NDST3: variants seen among roughly 807,000 people sequenced by gnomAD.
The protein encoded by NDST3 is bifunctional heparan sulfate N-deacetylase/N-sulfotransferase 3.
Under a neutral mutation model 96.1 loss-of-function variants are expected in NDST3, and 58 were observed. That is an observed-to-expected ratio of 0.60 (90% CI 0.49 to 0.75). NDST3 has a LOEUF of 0.75. Among genes scored for constraint, NDST3 ranks in the 30% least tolerant of loss-of-function variants. The pLI is 0.00. For synonymous variants in NDST3, 333 were observed against 359.7 expected, an observed-to-expected ratio of 0.93 and a Z score of 0.84; for missense variants, 788 against 1,034.2, an observed-to-expected ratio of 0.76 and a Z score of 3.27.
chr4:118,225,386 T>G (rs1739808437), intron 7 of NDST3, among the ~76,000 whole-genome samples: 1 of 152,236 alleles, frequency 6.6e-6, no homozygotes, highest in Non-Finnish European at 1.5e-5. Flanking sequence ...TTGCTTATTA[T>G]ATGTCAGACG....
intron 2 of NDST3, among the ~76,000 whole-genome samples, chr4:118,062,391 T>C (rs1725967387): frequency 2.0e-5 from 3 of 152,294 alleles, no homozygotes; most frequent in South Asian, 4.1e-4. Flanking sequence ...CCAGTTCCAC[T>C]GGTCCCTAAT....
At chr4:118,118,474 A>G (rs1008128558) in intron 4 of NDST3, among the ~76,000 whole-genome samples, 2 of 152,188 alleles carry the variant, frequency 1.3e-5, no homozygotes, top group African/African-American at 4.8e-5. Context: ...CATACCTGCT[A>G]TTTTCATTGA....
chr4:118,053,971 T>G lies in NDST3; in HGVS notation c.61T>G (p.Phe21Val). 6.2e-7 allele frequency: 1 copy of G among 1,611,902 alleles called. No individual in the cohort carries two copies. Among genetic ancestry groups the G allele is most frequent in the Admixed American group, 1.7e-5 (1 of 59,762 alleles). ...FQRTVILLATFCMVSIIISAY... is the reference protein window; with the variant it reads ...FQRTVILLATVCMVSIIISAY... Reference sequence around the variant, plus strand: ...AAGAACAGTCATTCTGCTTGCCACTTTTTGTATGGTGAGCATTATCATTTC... The same window carrying G: ...AAGAACAGTCATTCTGCTTGCCACTGTTTGTATGGTGAGCATTATCATTTC... Residue 21 changes from phenylalanine (F) to valine (V), a missense_variant, in exon 2 of 14, where the codon TTT (phenylalanine) becomes GTT (valine). This residue lies in a region of NDST3 where 234 missense variants were observed against 256.9 expected (regional missense o/e 0.91). Transcript: ENST00000296499.
At chr4:118,055,224 A>G in intron 2 of NDST3, 1 of 282,812 alleles carries the variant, frequency 3.5e-6, no homozygotes, top group Non-Finnish European at 6.8e-6. Context: ...TCTCAGACTT[A>G]GCTCATTTAA....
chr4:118,176,459 T>C (rs985037115), intron 6 of NDST3, among the ~76,000 whole-genome samples: 2 of 152,132 alleles, frequency 1.3e-5, no homozygotes, highest in African/African-American at 2.4e-5. Context: ...GTGTTGATGA[T>C]GGTCAGCTCA....
chr4:118,058,640 C>T (rs201050976), intron 2 of NDST3, among the ~76,000 whole-genome samples: 299 of 12,334 alleles, frequency 0.024, 2 homozygotes, highest in African/African-American at 0.031. Flanking sequence ...TGTGTGCGCG[C>T]GCGCGCACGC....
At chr4:118,213,675 C>T (rs1384527184) in intron 6 of NDST3, among the ~76,000 whole-genome samples, 1 of 150,464 alleles carries the variant, frequency 6.6e-6, no homozygotes, top group African/African-American at 2.4e-5. Flanking sequence ...TTATACCATA[C>T]ATTAACATAC....
chr4:118,193,542 T>C (rs1346308780), intron 6 of NDST3: 8 of 996,960 alleles, frequency 8.0e-6, no homozygotes, highest in Non-Finnish European at 1.3e-5. Context: ...CTCTCAAACG[T>C]GTTGGCGTAG....
chr4:118,134,867 T>C (rs1560668370), intron 4 of NDST3, among the ~76,000 whole-genome samples: 2 of 152,204 alleles, frequency 1.3e-5, no homozygotes, highest in South Asian at 2.1e-4. Flanking sequence ...AGATCTAAGA[T>C]GCTACTTTCA....
chr4:118,216,187 G>A (rs956449844), intron 6 of NDST3, among the ~76,000 whole-genome samples: 11 of 152,084 alleles, frequency 7.2e-5, no homozygotes, highest in African/African-American at 1.7e-4. Flanking sequence ...GAGGGTAATC[G>A]TAGCAGAGAA....
chr4:118,162,330 C>T (rs1292466231), intron 6 of NDST3, among the ~76,000 whole-genome samples: 20 of 152,164 alleles, frequency 1.3e-4, no homozygotes, highest in Non-Finnish European at 2.2e-4. Flanking sequence ...GGAGGCATCA[C>T]GCTACCTGAC....
intron 2 of NDST3, among the ~76,000 whole-genome samples, chr4:118,068,526 C>T (rs1334691546): frequency 6.6e-6 from 1 of 151,856 alleles, no homozygotes; most frequent in East Asian, 1.9e-4. Context: ...GTTTCCAAAC[C>T]ACGGAAAAGC....
intron 4 of NDST3, among the ~76,000 whole-genome samples, chr4:118,126,850 A>G (rs1732139507): frequency 6.6e-6 from 1 of 152,050 alleles, no homozygotes; most frequent in African/African-American, 2.4e-5. Flanking sequence ...TCTCTCCAGC[A>G]TTTGTTGTTG....
intron 6 of NDST3, among the ~76,000 whole-genome samples, chr4:118,188,725 T>C (rs970329538): frequency 6.6e-6 from 1 of 152,200 alleles, no homozygotes; most frequent in Non-Finnish European, 1.5e-5. Context: ...GGCTTCATAA[T>C]ATGATCCAAA....
At chr4:118,097,150 T>C (rs994597565) in intron 2 of NDST3, among the ~76,000 whole-genome samples, 12 of 151,890 alleles carry the variant, frequency 7.9e-5, no homozygotes, top group African/African-American at 2.9e-4. Context: ...GTTTGACCAA[T>C]TATCTGGGCA....
intron 6 of NDST3, among the ~76,000 whole-genome samples, chr4:118,154,259 C>T (rs573014080): frequency 2.6e-4 from 39 of 152,208 alleles, no homozygotes; most frequent in Non-Finnish European, 4.1e-4. Flanking sequence ...TAACACCTGC[C>T]CCACAGTGTG....
rs1393325647 is a variant in NDST3, at chr4:118,057,433, T to G, written c.981+2542T>G. ...ATCCTATAGGGAATCATTCACCACATGAAAGTGTGTGAGCTCAGCCAGGGA... is the reference window on the plus strand; with the variant it reads ...ATCCTATAGGGAATCATTCACCACAGGAAAGTGTGTGAGCTCAGCCAGGGA... On this transcript the variant is annotated intron_variant, in intron 2 of 13. Coordinates refer to ENST00000296499, the MANE Select transcript of NDST3 (RefSeq NM_004784.3). Among the ~76,000 whole-genome samples, 4 of 151,816 alleles carry G rather than the reference T, an allele frequency of 2.6e-5. No homozygotes were observed. The East Asian group carries it at 7.8e-4, about 29-fold the overall frequency.
intron 6 of NDST3, among the ~76,000 whole-genome samples, chr4:118,184,471 C>T (rs1335412865): frequency 6.6e-6 from 1 of 152,022 alleles, no homozygotes; most frequent in Non-Finnish European, 1.5e-5. Flanking sequence ...TGCAACTCTT[C>T]TCTGTGTCTC....
At chr4:118,080,835 C>T (rs1440741730) in intron 2 of NDST3, among the ~76,000 whole-genome samples, 2 of 152,160 alleles carry the variant, frequency 1.3e-5, no homozygotes, top group Non-Finnish European at 2.9e-5. Flanking sequence ...AATTATTTTG[C>T]TCTAAGGAAG....
Sources: gnomAD v4.1 joint callset for allele counts (sites outside exome capture counted in the v4.1 genomes callset) on GRCh38, gnomAD v4.1.1 for gene constraint, gnomAD v4.1.1 regional missense constraint, MANE v1.5 for transcripts, NCBI Gene and HGNC (gene_info 2026-07-23, HGNC 2026-07-21) for gene names.